Variants in OVCH2 observed in about 807,000 individuals in gnomAD.
The protein encoded by OVCH2 is ovochymase 2, also known as ovochymase-2.
A neutral mutation model predicts 73.7 loss-of-function variants in OVCH2; 88 were observed. The observed-to-expected ratio is 1.19, with a 90% CI of 1.01 to 1.43. OVCH2 has a LOEUF of 1.43. OVCH2 is among the 40% of genes most tolerant of loss of function. OVCH2 has a pLI of 0.00. For synonymous variants in OVCH2, 265 were observed against 234.5 expected, an observed-to-expected ratio of 1.13 and a Z score of -1.19; for missense variants, 706 against 674.5, an observed-to-expected ratio of 1.05 and a Z score of -0.52.
At chr11:7,698,401 T>A (rs577776172) in intron 8 of OVCH2, among the ~76,000 whole-genome samples, 1 of 152,290 alleles carries the variant, frequency 6.6e-6, no homozygotes, top group East Asian at 1.9e-4. Flanking sequence ...AGGATCGCAA[T>A]GGAACAAAGG....
intron 2 of OVCH2, 72 bp from the exon 3 acceptor site, chr11:7,703,861 A>G (rs1212204786): frequency 1.2e-5 from 15 of 1,216,862 alleles, no homozygotes; most frequent in Non-Finnish European, 1.7e-5. Flanking sequence ...GATGAAGCCT[A>G]TTCTCAAAAC....
At chr11:7,685,022 A>C (rs946383302), downstream of OVCH2, among the ~76,000 whole-genome samples, 1 of 152,314 alleles carries the variant, frequency 6.6e-6, no homozygotes, top group Non-Finnish European at 1.5e-5. Flanking sequence ...TGCTTTAAAC[A>C]CTGGGACTCA....
chr11:7,688,361 G>A (rs555854959), downstream of OVCH2, among the ~76,000 whole-genome samples: 1 of 152,202 alleles, frequency 6.6e-6, no homozygotes, highest in South Asian at 2.1e-4. Flanking sequence ...CCTCAAATGT[G>A]CTACTGCTAT....
downstream of OVCH2, among the ~76,000 whole-genome samples, chr11:7,687,862 G>A (rs1198052533): frequency 1.3e-5 from 2 of 152,130 alleles, no homozygotes; most frequent in Admixed American, 6.5e-5. Context: ...GTTTGCAGAT[G>A]TCTGTCTTCT....
chr11:7,681,287 T>A, the OVCH2 span, among the ~76,000 whole-genome samples: 1 of 152,244 alleles, frequency 6.6e-6, no homozygotes, highest in Non-Finnish European at 1.5e-5. Context: ...TAATGCTACC[T>A]GTTCAGAATT....
At chr11:7,691,750 T>G (rs2136150962) in intron 13 of OVCH2, among the ~76,000 whole-genome samples, 152 bp downstream of exon 13, 1 of 152,188 alleles carries the variant, frequency 6.6e-6, no homozygotes, top group East Asian at 1.9e-4. Context: ...CTGCCCCTAA[T>G]GAAGAAGACA....
the OVCH2 span, among the ~76,000 whole-genome samples, chr11:7,682,836 C>T: frequency 2.6e-5 from 4 of 152,152 alleles, no homozygotes; most frequent in Admixed American, 1.3e-4. Context: ...TTCCTAGTTA[C>T]GACAAGATTC....
chr11:7,704,726 G>A, intron 1 of OVCH2, 52 bp from the exon 2 acceptor site: 2 of 1,257,158 alleles, frequency 1.6e-6, no homozygotes, highest in Non-Finnish European at 2.3e-6. Flanking sequence ...TAGGATTGAG[G>A]TAATATCTTC....
Position 7,703,722 on chromosome 11 carries a change from G to A in OVCH2, c.266C>T (p.Thr89Met), listed in dbSNP as rs377008913. The change falls in exon 3 of 16, where the codon ACG (threonine) becomes ATG (methionine). Residue 89 changes from threonine (T) to methionine (M), a missense_variant. Transcript: ENST00000533663. ...GSIVSPQWVI[T>M]AAHCIANRNI... is the part of the protein sequence containing the mutation. Reference sequence around the variant, plus strand: ...CCTGTTTGCAATGCAGTGAGCCGCCGTGATCACCCACTGTGGTGAGACGAT... The same window carrying A: ...CCTGTTTGCAATGCAGTGAGCCGCCATGATCACCCACTGTGGTGAGACGAT... 4.1e-5 allele frequency: 66 copies of A among 1,609,446 alleles called. No individual in the cohort carries two copies. The highest frequency in any genetic ancestry group is 5.6e-5 in the South Asian group (5 of 89,944).
rs113523529 is a variant in OVCH2 at position 7,692,046 on chromosome 11, T to A, written c.1414-51A>T. 1.1e-4 allele frequency: 144 copies of A among 1,327,496 alleles called. No individual in the cohort carries two copies. The African/African-American group carries it at 1.8e-3, about 17-fold the overall frequency. 82.2% of individuals were successfully genotyped at this position (1,327,496 alleles called of 1,614,324 possible). A position where few individuals can be genotyped will look rare whatever the true frequency, so the allele number is the denominator to read the frequency against. On this transcript the variant is annotated intron_variant, in intron 12 of 15. Coordinates refer to ENST00000533663, the MANE Select transcript of OVCH2 (RefSeq NM_198185.7). ...GAGTAAACAATCTGAATGAATTACC[T>A]GACTTTGATTCAGCAGAGAAATTTG...
chr11:7,679,406 T>G, the OVCH2 span, among the ~76,000 whole-genome samples: 1 of 152,184 alleles, frequency 6.6e-6, no homozygotes, highest in Admixed American at 6.5e-5. Context: ...CACCCAAATT[T>G]CATCTTGAAT....
the OVCH2 span, among the ~76,000 whole-genome samples, chr11:7,679,775 CAACCTCCAGGGAGGGGAA>C: frequency 8.5e-5 from 13 of 152,342 alleles, no homozygotes; most frequent in East Asian, 2.5e-3. Context: ...TCCCACTCTC[CAACCTCCAGGGAGGGGAA>C]AGGGACTGAA....
chr11:7,702,143 C>A lies in OVCH2; in HGVS notation c.463+14G>T. On this transcript the variant is annotated intron_variant, in intron 4 of 15. Coordinates refer to ENST00000533663, the MANE Select transcript of OVCH2 (RefSeq NM_198185.7). ...CATGGGGTAGACAATTCAGTATGAT[C>A]CTCAAATGTTTACCAAATTGGAAGG... The A allele has an allele frequency of 1.9e-6, 3 of 1,588,180 alleles. No individual in the cohort carries two copies. Among genetic ancestry groups the A allele is most frequent in the Non-Finnish European group, 2.6e-6 (3 of 1,158,678 alleles).
Position 7,701,926 on chromosome 11 carries a change from C to T in OVCH2, c.464-115G>A. On this transcript the variant is annotated intron_variant, in intron 4 of 15. Transcript: ENST00000533663. ...AAAGACCTCATGAGAGTTGTGATAG[C>T]TCTGCCTGGCACCTCCAGGGGTTAC... The T allele has an allele frequency of 4.4e-6, 4 of 914,076 alleles. No individual in the cohort carries two copies. In the South Asian group the frequency reaches 4.8e-5, roughly 11 times the overall value. The allele number at this position is 914,076 out of a possible 1,614,324, so 56.6% of individuals were successfully genotyped here. A position where few individuals can be genotyped will look rare whatever the true frequency, so the allele number is the denominator to read the frequency against.
At chr11:7,691,854 TG>T in intron 13 of OVCH2, 47 bp downstream of exon 13, 2 of 1,427,284 alleles carry the variant, frequency 1.4e-6, no homozygotes, top group Non-Finnish European at 9.6e-7. Flanking sequence ...ATCTCAAGAC[TG>T]GGTCCAAACA....
chr11:7,683,927 C>T, the OVCH2 span, among the ~76,000 whole-genome samples: 1 of 151,922 alleles, frequency 6.6e-6, no homozygotes, highest in South Asian at 2.1e-4. Flanking sequence ...TTGCAATACC[C>T]TGCTCACCAG....
chr11:7,697,079 G>A (rs1856351646), intron 8 of OVCH2: 2 of 422,954 alleles, frequency 4.7e-6, no homozygotes, highest in Non-Finnish European at 8.5e-6. Context: ...ATCTCTCACC[G>A]AGGGTGGAGT....
At chr11:7,684,820 G>C (rs1022946282), downstream of OVCH2, among the ~76,000 whole-genome samples, 1 of 152,030 alleles carries the variant, frequency 6.6e-6, no homozygotes, top group Non-Finnish European at 1.5e-5. Context: ...CTTAGGTTGA[G>C]GGAACAGTAA....
intron 2 of OVCH2, 70 bp from the exon 3 acceptor site, chr11:7,703,859 C>A: frequency 8.1e-7 from 1 of 1,231,974 alleles, no homozygotes; most frequent in East Asian, 2.5e-5. Flanking sequence ...GTGATGAAGC[C>A]TATTCTCAAA....
Sources: allele counts gnomAD v4.1 joint callset (sites outside exome capture counted in the v4.1 genomes callset), GRCh38; gene constraint gnomAD v4.1.1; transcripts MANE v1.5; gene names NCBI Gene and HGNC (gene_info 2026-07-23, HGNC 2026-07-21).